The following GALNT11 variants were observed in gnomAD, a reference collection of about 807,000 sequenced individuals.
GALNT11 encodes the protein polypeptide N-acetylgalactosaminyltransferase 11.
GALNT11 carries 47 observed loss-of-function variants against 72.7 expected under a neutral mutation model. That is an observed-to-expected ratio of 0.65 (90% confidence interval 0.51 to 0.82). The LOEUF (loss-of-function observed/expected upper bound fraction) is 0.82. Ranked by LOEUF, GALNT11 falls within the 40% of genes least tolerant of loss-of-function variation. The pLI, the probability that GALNT11 is intolerant of heterozygous loss-of-function variation, is 0.00. For missense variants in GALNT11, 677 were observed against 778.4 expected, an observed-to-expected ratio of 0.87 and a Z score of 1.55; for synonymous variants, 270 against 286.6, an observed-to-expected ratio of 0.94 and a Z score of 0.58.
In GALNT11 at chr7:152,073,164, A is replaced by T. The variant is rs2084760546; in HGVS notation, c.-38-21026A>T. 2.0e-5 allele frequency among the ~76,000 whole-genome samples: 3 copies of T among 152,296 alleles called. No homozygotes were observed. In the South Asian group the frequency reaches 6.2e-4, roughly 32 times the overall value. ...TTTCTTTGTGTTGGGAACATTCAAT[A>T]TTCTCCTTATAGCTATTTGAAACTC... is the stretch of plus-strand genomic sequence containing the variant. On this transcript the variant is annotated intron_variant, in intron 1 of 11. Coordinates refer to ENST00000430044, the MANE Select transcript of GALNT11 (RefSeq NM_022087.4).
intron 1 of GALNT11, among the ~76,000 whole-genome samples, 183 bp downstream of exon 1, chr7:152,026,067 C>T (rs1032620361): frequency 4.1e-4 from 63 of 152,150 alleles, no homozygotes; most frequent in Non-Finnish European, 3.8e-4. Context: ...CGCCGCTGCC[C>T]CCGCGCCTCC....
intron 1 of GALNT11, among the ~76,000 whole-genome samples, chr7:152,071,874 T>A (rs2084670783): frequency 6.6e-6 from 1 of 152,128 alleles, no homozygotes; most frequent in Admixed American, 6.5e-5. Flanking sequence ...ATGTAGCATG[T>A]CAATTATACT....
At chr7:152,030,098 CGAGA>C (rs2082235571) in intron 1 of GALNT11, among the ~76,000 whole-genome samples, 1 of 151,984 alleles carries the variant, frequency 6.6e-6, no homozygotes, top group African/African-American at 2.4e-5. Flanking sequence ...TGTGCGGAGA[CGAGA>C]GAGTGTAGAA....
intron 2 of GALNT11, among the ~76,000 whole-genome samples, chr7:152,096,229 A>G (rs1488413796): frequency 6.6e-6 from 1 of 152,208 alleles, no homozygotes; most frequent in Non-Finnish European, 1.5e-5. Context: ...TGCAATCCCT[A>G]TCAAAATGTC....
chr7:152,096,443 G>A (rs998937684), intron 2 of GALNT11, among the ~76,000 whole-genome samples: 6 of 152,240 alleles, frequency 3.9e-5, no homozygotes, highest in Admixed American at 3.3e-4. Flanking sequence ...AGGGCTGGAC[G>A]CAGTGGCTGA....
chr7:152,118,868 T>C (rs545997225), intron 10 of GALNT11, 86 bp downstream of exon 10: 2 of 1,038,698 alleles, frequency 1.9e-6, no homozygotes, highest in East Asian at 2.6e-5. Context: ...CCTGAGGACA[T>C]CAGTGTCTAC....
At chr7:152,034,207 TAATAGGAAGGGTAGC>T in intron 1 of GALNT11, among the ~76,000 whole-genome samples, 1 of 152,288 alleles carries the variant, frequency 6.6e-6, no homozygotes, top group East Asian at 1.9e-4. Flanking sequence ...GGCTTATCAT[TAATAGGAAGGGTAGC>T]TATAGGGAGG....
At chr7:152,100,550 G>A (rs1479144157) in intron 2 of GALNT11, among the ~76,000 whole-genome samples, 1 of 151,468 alleles carries the variant, frequency 6.6e-6, no homozygotes. Context: ...TGACGACAGA[G>A]GGAAACTCCA....
At position 152,120,837 on chromosome 7, in the gene GALNT11, ATC is replaced by A. The variant is rs2089361543; in HGVS notation, c.1566_1567del (p.Tyr523Ter). The A allele has an allele frequency of 6.2e-7, 1 of 1,603,236 alleles. No individual in the cohort carries two copies. The highest frequency in any genetic ancestry group is 1.3e-5 in the African/African-American group (1 of 74,572). On this transcript the variant is annotated frameshift_variant, in exon 11 of 12. Coordinates refer to ENST00000430044, the MANE Select transcript of GALNT11 (RefSeq NM_022087.4). LOFTEE classifies it high-confidence loss of function. The stretch of plus-strand genomic sequence containing the variant: ...TTTTATTTTTCTTCTCTAGATCTGG[ATC>A]TATAATGAAGAGCATGAATTGGTTT... ...CDYSDPNQIW[I>X]YNEEHELVLN... is the part of the protein sequence containing the mutation.
At chr7:152,037,867 C>T (rs892934353) in intron 1 of GALNT11, among the ~76,000 whole-genome samples, 8 of 152,066 alleles carry the variant, frequency 5.3e-5, no homozygotes, top group African/African-American at 9.6e-5. Flanking sequence ...CTCCTGGGTT[C>T]GCATGATTCT....
At chr7:152,072,426 AACTT>A (rs1479633714) in intron 1 of GALNT11, among the ~76,000 whole-genome samples, 1 of 152,208 alleles carries the variant, frequency 6.6e-6, no homozygotes, top group African/African-American at 2.4e-5. Flanking sequence ...TCTCAGAACT[AACTT>A]TCTTCAAGTT....
At chr7:152,035,002 G>T (rs983015378) in intron 1 of GALNT11, among the ~76,000 whole-genome samples, 1 of 152,140 alleles carries the variant, frequency 6.6e-6, no homozygotes, top group Non-Finnish European at 1.5e-5. Context: ...AAGATGTTAT[G>T]CCCCAAAAAT....
intron 1 of GALNT11, among the ~76,000 whole-genome samples, chr7:152,070,329 T>C (rs906777760): frequency 1.3e-5 from 2 of 152,114 alleles, no homozygotes; most frequent in African/African-American, 4.8e-5. Flanking sequence ...TTTTATGTGA[T>C]TCAACTTTAT....
chr7:152,038,166 G>A (rs896449284), intron 1 of GALNT11, among the ~76,000 whole-genome samples: 8 of 152,100 alleles, frequency 5.3e-5, no homozygotes, highest in East Asian at 1.9e-4. Flanking sequence ...CTTACCCAGC[G>A]GCGCTAGAGG....
chr7:152,066,991 A>G (rs1587123075), intron 1 of GALNT11, among the ~76,000 whole-genome samples: 1 of 152,228 alleles, frequency 6.6e-6, no homozygotes, highest in South Asian at 2.1e-4. Context: ...TACTTGGTCA[A>G]TGCAGGGTTG....
chr7:152,108,653 ATGT>A (rs2087847561), intron 6 of GALNT11, among the ~76,000 whole-genome samples: 1 of 152,176 alleles, frequency 6.6e-6, no homozygotes, highest in South Asian at 2.1e-4. Context: ...AGCCGGAGTG[ATGT>A]TGTGAAAAAC....
intron 2 of GALNT11, among the ~76,000 whole-genome samples, chr7:152,097,124 G>C (rs1222703406): frequency 6.6e-6 from 1 of 152,166 alleles, no homozygotes; most frequent in African/African-American, 2.4e-5. Context: ...CACTGTGCCT[G>C]GGCCCAAACA....
chr7:152,107,998 G>C (rs1357900057), intron 5 of GALNT11, 40 bp from the exon 6 acceptor site: 1 of 1,577,134 alleles, frequency 6.3e-7, no homozygotes. Context: ...TAAATTGAGT[G>C]TTGTGACACT....
intron 8 of GALNT11, among the ~76,000 whole-genome samples, chr7:152,114,562 C>CT (rs56851473): frequency 0.018 from 2,635 of 142,842 alleles, 47 homozygotes; most frequent in African/African-American, 0.047. Flanking sequence ...GTTGTTTCCA[C>CT]TTTTTTTTTT....
Sources: gnomAD v4.1 joint callset for allele counts (sites outside exome capture counted in the v4.1 genomes callset) on GRCh38, gnomAD v4.1.1 for gene constraint, MANE v1.5 for transcripts, NCBI Gene and HGNC (gene_info 2026-07-23, HGNC 2026-07-21) for gene names.